Variants in DLGAP2 observed in about 807,000 individuals in gnomAD.
The protein encoded by DLGAP2 is disks large-associated protein 2.
In DLGAP2, 26 loss-of-function variants were observed where a neutral mutation model predicts 100.3. The ratio of observed to expected loss-of-function variants is 0.26; its 90% CI spans 0.19 to 0.36. The LOEUF (loss-of-function observed/expected upper bound fraction) is 0.36. Among genes scored for constraint, DLGAP2 ranks in the 10% least tolerant of loss-of-function variants. DLGAP2 has a pLI of 1.00. For missense variants in DLGAP2, 1,858 were observed against 1,453.2 expected (o/e 1.28, Z -4.53); for synonymous variants, 886 against 630.1 (o/e 1.41, Z -6.08).
At chr8:1,218,534 T>C (rs542318991) in intron 2 of DLGAP2, among the ~76,000 whole-genome samples, 1 of 152,264 alleles carries the variant, frequency 6.6e-6, no homozygotes, top group South Asian at 2.1e-4. Context: ...TTGGTTACTG[T>C]AGTTTTATAG....
chr8:1,208,804 A>G (rs1798047085), intron 2 of DLGAP2, among the ~76,000 whole-genome samples: 3 of 152,070 alleles, frequency 2.0e-5, no homozygotes, highest in Admixed American at 1.3e-4. Flanking sequence ...CTCCTATAGA[A>G]CAATAGTGAC....
chr8:1,479,033 G>A (rs1799015363), intron 3 of DLGAP2, among the ~76,000 whole-genome samples: 1 of 152,234 alleles, frequency 6.6e-6, no homozygotes, highest in Admixed American at 6.5e-5. Context: ...TGAAACAATC[G>A]AAAGGAGCAC....
At chr8:1,271,467 C>A (rs1399739290) in intron 3 of DLGAP2, among the ~76,000 whole-genome samples, 2 of 152,150 alleles carry the variant, frequency 1.3e-5, no homozygotes, top group African/African-American at 4.8e-5. Context: ...CTTCATGTGT[C>A]TTGCCCCAAG....
chr8:1,523,422 G>A (rs1800678290), intron 4 of DLGAP2, among the ~76,000 whole-genome samples: 1 of 152,208 alleles, frequency 6.6e-6, no homozygotes, highest in African/African-American at 2.4e-5. Context: ...CTGACTTCAC[G>A]CAGCCCCAGC....
chr8:1,155,735 G>A (rs1160839621), intron 2 of DLGAP2, among the ~76,000 whole-genome samples: 1 of 152,186 alleles, frequency 6.6e-6, no homozygotes, highest in Non-Finnish European at 1.5e-5. Flanking sequence ...CGCGCGGGCT[G>A]CGTCCCTGGA....
intron 2 of DLGAP2, among the ~76,000 whole-genome samples, chr8:1,126,069 C>A (rs190344486): frequency 3.9e-5 from 6 of 152,330 alleles, no homozygotes; most frequent in African/African-American, 1.4e-4. Context: ...CACATGTCTT[C>A]GAACACGCGG....
chr8:851,188 A>G (rs1797176466), intron 1 of DLGAP2, among the ~76,000 whole-genome samples: 1 of 152,252 alleles, frequency 6.6e-6, no homozygotes, highest in South Asian at 2.1e-4. Flanking sequence ...GTATAGTCAC[A>G]CACTGTGCAG....
intron 2 of DLGAP2, among the ~76,000 whole-genome samples, chr8:979,394 T>C (rs918002884): frequency 6.6e-6 from 1 of 152,176 alleles, no homozygotes; most frequent in African/African-American, 2.4e-5. Flanking sequence ...GACATAATAG[T>C]CTGTGATTTT....
chr8:927,586 A>G (rs1798844531), intron 2 of DLGAP2, among the ~76,000 whole-genome samples: 1 of 152,128 alleles, frequency 6.6e-6, no homozygotes, highest in Non-Finnish European at 1.5e-5. Context: ...ATCAGACATA[A>G]TCGTAACAAT....
intron 2 of DLGAP2, chr8:1,018,699 T>G (rs2129023713): frequency 6.6e-6 from 1 of 152,396 alleles, no homozygotes; most frequent in Admixed American, 6.5e-5. Flanking sequence ...TTTAATTGAC[T>G]ATTTTAGGTC....
chr8:1,682,552 G>A (rs969690639), intron 12 of DLGAP2, among the ~76,000 whole-genome samples: 4 of 151,472 alleles, frequency 2.6e-5, no homozygotes, highest in Non-Finnish European at 5.9e-5. Context: ...TCAGCTCACT[G>A]CAACCTCAGC....
At chr8:1,366,989 C>T (rs893648980) in intron 3 of DLGAP2, among the ~76,000 whole-genome samples, 7 of 150,994 alleles carry the variant, frequency 4.6e-5, no homozygotes, top group Non-Finnish European at 1.0e-4. Context: ...CCACAGACCC[C>T]GGTAAATAAC....
At chr8:1,355,496 C>G (rs1055993163) in intron 3 of DLGAP2, among the ~76,000 whole-genome samples, 7 of 152,006 alleles carry the variant, frequency 4.6e-5, no homozygotes, top group African/African-American at 1.7e-4. Context: ...TCCTGAGTAG[C>G]TGGGATTACA....
chr8:1,156,609 TCCCAGCCCAGCGC>T lies in DLGAP2; in HGVS notation c.74-102225_74-102213del, dbSNP rs1457514476. 2.7e-4 allele frequency among the ~76,000 whole-genome samples: 4 copies of T among 14,618 alleles called. No individual in the cohort carries two copies. The East Asian group carries it at 4.4e-3, about 16-fold the overall frequency. 9.6% of individuals were successfully genotyped at this position (14,618 alleles called of 152,430 possible). On this transcript the variant is annotated intron_variant, in intron 2 of 14. Coordinates refer to ENST00000637795, the MANE Select transcript of DLGAP2 (RefSeq NM_001346810.2). ...CCCAGCCCAGCGCCCCAGCCTAGCG[TCCCAGCCCAGCGC>T]CCCAGCCCAGCGCCCCGGCTCAGCG...
At chr8:738,175 C>CCGG (rs1820371025) in intron 1 of DLGAP2, 1 of 174,358 alleles carries the variant, frequency 5.7e-6, no homozygotes, top group Non-Finnish European at 1.2e-5. Context: ...CTGGGGGGTG[C>CCGG]CGGCGCGCCA....
At chr8:905,789 G>T in intron 1 of DLGAP2, among the ~76,000 whole-genome samples, 1 of 152,076 alleles carries the variant, frequency 6.6e-6, no homozygotes, top group East Asian at 1.9e-4. Context: ...CCATAGCTTG[G>T]GGTCCCAGCC....
At chr8:1,204,672 C>T (rs906881021) in intron 2 of DLGAP2, among the ~76,000 whole-genome samples, 9 of 152,180 alleles carry the variant, frequency 5.9e-5, no homozygotes, top group South Asian at 2.1e-4. Context: ...CCCATTTCCC[C>T]ATCCTTCTTG....
chr8:784,723 G>A (rs1484092500), intron 1 of DLGAP2, among the ~76,000 whole-genome samples: 1 of 152,196 alleles, frequency 6.6e-6, no homozygotes, highest in African/African-American at 2.4e-5. Context: ...TCCTAAATCC[G>A]GGAAAGACCA....
At chr8:1,516,179 G>A (rs1049738174) in intron 4 of DLGAP2, among the ~76,000 whole-genome samples, 3 of 152,200 alleles carry the variant, frequency 2.0e-5, no homozygotes, top group African/African-American at 7.2e-5. Flanking sequence ...GTGACCAAGT[G>A]AGTTACTGAG....
Sources: allele counts gnomAD v4.1 joint callset (sites outside exome capture counted in the v4.1 genomes callset), GRCh38; gene constraint gnomAD v4.1.1; transcripts MANE v1.5; gene names NCBI Gene and HGNC (gene_info 2026-07-23, HGNC 2026-07-21).